The following NACC2 variants were observed in gnomAD, a reference collection of about 807,000 sequenced individuals.
NACC2 encodes NACC family member 2.
In NACC2, 8 loss-of-function variants were observed where a neutral mutation model predicts 25.1. The observed-to-expected ratio is 0.32, with a 90% confidence interval of 0.19 to 0.57. The LOEUF (loss-of-function observed/expected upper bound fraction) is 0.57, where lower values mean the gene tolerates loss of function less well. Among genes scored for constraint, NACC2 ranks in the 20% least tolerant of loss-of-function variants. The pLI, the probability that NACC2 is intolerant of heterozygous loss-of-function variation, is 0.89. For missense variants in NACC2, 644 were observed against 650.2 expected, an observed-to-expected ratio of 0.99 and a Z score of 0.10; for synonymous variants, 435 against 294.7, an observed-to-expected ratio of 1.48 and a Z score of -4.88.
rs1229703012 is a variant in NACC2 at position 136,022,769 on chromosome 9, T to C, written c.887-6340A>G. Among the ~76,000 whole-genome samples the C allele has an allele frequency of 6.6e-6, 1 of 151,990 alleles. No individual in the cohort carries two copies. The highest frequency in any genetic ancestry group is 1.5e-5 in the Non-Finnish European group (1 of 68,006). On this transcript the variant is annotated intron_variant, in intron 2 of 5. Transcript: ENST00000277554. The surrounding 1 kb of genome is among the most constrained non-coding windows in gnomAD (Gnocchi z 4.4). ...GAAAGACCAGAAACGACTTCCACGC[T>C]GTACTTGGTGGGAGCACAGAGGCCA...
intron 2 of NACC2, among the ~76,000 whole-genome samples, chr9:136,048,363 G>A (rs1172949406): frequency 6.6e-6 from 1 of 152,224 alleles, no homozygotes; most frequent in Non-Finnish European, 1.5e-5. Flanking sequence ...CTGACATCCT[G>A]TACGGCCTCT....
chr9:136,083,633 C>T lies in NACC2; in HGVS notation c.-60+11556G>A, dbSNP rs188626263. On this transcript the variant is annotated intron_variant, in intron 1 of 5. Coordinates refer to ENST00000277554, the MANE Select transcript of NACC2 (RefSeq NM_144653.5). ...CAGGCCGAGACTGGCACGAGACGGG[C>T]ATGAGCCCAGGGCACCACAGGCGGC... Among the ~76,000 whole-genome samples the T allele has an allele frequency of 1.1e-4, 17 of 152,328 alleles. No individual in the cohort carries two copies. In the East Asian group the frequency reaches 3.3e-3, roughly 29 times the overall value.
intron 1 of NACC2, among the ~76,000 whole-genome samples, chr9:136,085,723 T>C (rs1231990828): frequency 6.6e-6 from 1 of 152,246 alleles, no homozygotes; most frequent in African/African-American, 2.4e-5. Context: ...AAATGTTCTT[T>C]GTACAATACT....
Position 136,048,688 on chromosome 9 carries a change from C to T in NACC2, c.886+948G>A, listed in dbSNP as rs888294415. On this transcript the variant is annotated intron_variant, in intron 2 of 5. Transcript: ENST00000277554. ...GCCAAAGCAGTGGTTACCCTGCTGTCCCGGCTGTGGTGACAGACGCTGCAC... is the reference window on the plus strand; with the variant it reads ...GCCAAAGCAGTGGTTACCCTGCTGTTCCGGCTGTGGTGACAGACGCTGCAC... 9.6e-3 allele frequency among the ~76,000 whole-genome samples: 1,459 copies of T among 152,364 alleles called. 14 individuals are homozygous for T. Among genetic ancestry groups the T allele is most frequent in the Middle Eastern group, 0.024 (7 of 294 alleles).
intron 1 of NACC2, among the ~76,000 whole-genome samples, chr9:136,064,883 A>G (rs1841062015): frequency 6.6e-6 from 1 of 152,234 alleles, no homozygotes; most frequent in South Asian, 2.1e-4. Context: ...AATGGAACAG[A>G]TGAGTCTACA....
chr9:136,072,926 A>C (rs900319825), intron 1 of NACC2, among the ~76,000 whole-genome samples: 7 of 152,180 alleles, frequency 4.6e-5, no homozygotes, highest in Non-Finnish European at 8.8e-5. Flanking sequence ...AGAAAAAAAC[A>C]CACAAGAGAA....
chr9:136,025,908 A>G (rs1840380042), intron 2 of NACC2, among the ~76,000 whole-genome samples: 2 of 151,958 alleles, frequency 1.3e-5, no homozygotes, highest in South Asian at 4.2e-4. Context: ...GAGCAAGACC[A>G]TCTCGAAAAC....
In NACC2 at chr9:136,074,217, G is replaced by A. The variant is rs112625863; in HGVS notation, c.-60+20972C>T. On this transcript the variant is annotated intron_variant, in intron 1 of 5. Coordinates refer to ENST00000277554, the MANE Select transcript of NACC2 (RefSeq NM_144653.5). ...TGTAATCCCAGCACTTTGGGAGGCC[G>A]AGGAGGGCAGATCACGAGGTCAGGA... 6.0e-3 allele frequency among the ~76,000 whole-genome samples: 890 copies of A among 149,540 alleles called. 10 individuals are homozygous for A. Among genetic ancestry groups the A allele is most frequent in the African/African-American group, 0.021 (847 of 40,794 alleles).
chr9:136,011,594 G>A lies in NACC2; in HGVS notation c.1686C>T (p.Gly562=), dbSNP rs374481610. 551 of 1,429,446 alleles carry A rather than the reference G, an allele frequency of 3.9e-4. No individual in the cohort carries two copies. The highest frequency in any genetic ancestry group is 4.7e-4 in the Non-Finnish European group (512 of 1,100,064). 88.5% of individuals were successfully genotyped at this position (1,429,446 alleles called of 1,614,324 possible). Residue 562 remains glycine (G), a synonymous_variant, in exon 6 of 6, where the codon GGC becomes GGT. Transcript: ENST00000277554. ...TCTGGGGCCTGCTGGGGCCGCCCCC[G>A]CCCTGCTCAAAGGGCTGTGGGGGGC... The part of the protein sequence containing the change: ...GQSPPQPFEQ[G]GGGPSRPQTP...
intron 2 of NACC2, among the ~76,000 whole-genome samples, chr9:136,042,715 CACACACACAGACACAG>C (rs1269168976): frequency 2.9e-4 from 44 of 149,950 alleles, no homozygotes; most frequent in African/African-American, 9.6e-4. Context: ...GACACAGAGA[CACACACACAGACACAG>C]ACACACACAG....
chr9:136,015,604 C>T (rs950398775), intron 3 of NACC2, among the ~76,000 whole-genome samples: 2 of 152,140 alleles, frequency 1.3e-5, no homozygotes, highest in East Asian at 1.9e-4. Flanking sequence ...GACAGGGCTA[C>T]GCAGAACTGC....
Position 136,050,320 on chromosome 9 carries a change from C to T in NACC2, c.202G>A (p.Glu68Lys), listed in dbSNP as rs1471417057. The T allele has an allele frequency of 2.7e-6, 2 of 738,662 alleles. No homozygotes were observed. The highest frequency in any genetic ancestry group is 3.4e-5 in the African/African-American group (2 of 58,174). The allele number at this position is 738,662 out of a possible 1,614,324, so 45.8% of individuals were successfully genotyped here. Residue 68 changes from glutamate to lysine, a missense_variant, in exon 2 of 6, where the codon GAG becomes AAG. Physicochemically the swap from Glu to Lys is moderately conservative, Grantham distance 56. Coordinates refer to ENST00000277554, the MANE Select transcript of NACC2 (RefSeq NM_144653.5). Reference sequence around the variant, plus strand: ...GCGGGCGGCACGGAGCCGGGCAGCTCGAAGGCGCTCTTGCTGTTGCCGCTG... The same window carrying T: ...GCGGGCGGCACGGAGCCGGGCAGCTTGAAGGCGCTCTTGCTGTTGCCGCTG... ...LFSGNSKSAF[E>K]LPGSVPPACF...
intron 3 of NACC2, among the ~76,000 whole-genome samples, chr9:136,014,800 G>A (rs938327627): frequency 4.6e-5 from 7 of 152,192 alleles, no homozygotes; most frequent in African/African-American, 1.7e-4. Context: ...CTAGGGCAGA[G>A]GCGTGGCCAG....
intron 1 of NACC2, among the ~76,000 whole-genome samples, chr9:136,060,318 G>GT (rs1840990311): frequency 2.6e-5 from 4 of 152,226 alleles, no homozygotes; most frequent in African/African-American, 9.6e-5. Flanking sequence ...CTTGGCTTTG[G>GT]GATCACGGGG....
rs1840079184 is a variant in NACC2 at position 136,009,918 on chromosome 9, G to C, written c.*1598C>G. 6.6e-6 allele frequency: 1 copy of C among 152,272 alleles called. No individual in the cohort carries two copies. Among genetic ancestry groups the C allele is most frequent in the Non-Finnish European group, 1.5e-5 (1 of 68,152 alleles). The allele number at this position is 152,272 out of a possible 1,614,324, so 9.4% of individuals were successfully genotyped here. ...GGAAGCCGAGTTCTGGAGGGACAGA[G>C]GTGAGCAACAGACATTTCAAGTCTT... On this transcript the variant is annotated 3_prime_UTR_variant, in exon 6 of 6. Transcript: ENST00000277554.
At chr9:136,071,453 G>C (rs934771093) in intron 1 of NACC2, among the ~76,000 whole-genome samples, 9 of 144,600 alleles carry the variant, frequency 6.2e-5, no homozygotes, top group African/African-American at 2.3e-4. Flanking sequence ...TGAAGCAGGA[G>C]AATCACTTGA....
At chr9:136,074,649 T>A (rs1013290917) in intron 1 of NACC2, among the ~76,000 whole-genome samples, 1 of 151,556 alleles carries the variant, frequency 6.6e-6, no homozygotes, top group African/African-American at 2.4e-5. Context: ...AAGGAACCTA[T>A]CTCTGGTTCA....
chr9:136,049,854 T>A lies in NACC2; in HGVS notation c.668A>T (p.Tyr223Phe). ...TAPLKLPRVS[Y>F]YGVPSLATLI... ...GGTGGCCAGGCTGGGCACCCCGTAG[T>A]AGGAGACACGGGGCAGTTTGAGAGG... is the stretch of plus-strand genomic sequence containing the variant. Residue 223 changes from tyrosine (Y) to phenylalanine (F), a missense_variant, in exon 2 of 6, where the codon TAC becomes TTC. Coordinates refer to ENST00000277554, the MANE Select transcript of NACC2 (RefSeq NM_144653.5). 1.5e-6 allele frequency: 1 copy of A among 675,254 alleles called. No homozygotes were observed. Among genetic ancestry groups the A allele is most frequent in the Non-Finnish European group, 2.8e-6 (1 of 363,280 alleles). 41.8% of individuals were successfully genotyped at this position (675,254 alleles called of 1,614,324 possible).
In NACC2 at chr9:136,055,906, T is replaced by C. The variant is rs1056578407; in HGVS notation, c.-59-5326A>G. On this transcript the variant is annotated intron_variant, in intron 1 of 5. Coordinates refer to ENST00000277554, the MANE Select transcript of NACC2 (RefSeq NM_144653.5). This position sits in a 1 kb window ranked among gnomAD's most constrained non-coding sequence, Gnocchi z 4.9. ...CCTGGAGCGTGAGAAGGTGTGGGGATGGGGCGGGCCTGCTGTGCCAGGTGC... is the reference window on the plus strand; with the variant it reads ...CCTGGAGCGTGAGAAGGTGTGGGGACGGGGCGGGCCTGCTGTGCCAGGTGC... 6.6e-6 allele frequency among the ~76,000 whole-genome samples: 1 copy of C among 152,082 alleles called. No individual in the cohort carries two copies. The highest frequency in any genetic ancestry group is 2.4e-5 in the African/African-American group (1 of 41,404).
Sources: allele counts gnomAD v4.1 joint callset (sites outside exome capture counted in the v4.1 genomes callset), GRCh38; gene constraint gnomAD v4.1.1; non-coding constraint Gnocchi (gnomAD v3.1); transcripts MANE v1.5; gene names NCBI Gene and HGNC (gene_info 2026-07-23, HGNC 2026-07-21).